DISP3: variants seen among roughly 807,000 people sequenced by gnomAD.
DISP3 encodes the protein dispatched RND transporter family member 3.
A neutral mutation model predicts 135.3 loss-of-function variants in DISP3; 101 were observed. The ratio of observed to expected loss-of-function variants is 0.75; its 90% CI spans 0.64 to 0.88. DISP3 has a LOEUF of 0.88. Among genes scored for constraint, DISP3 ranks in the 40% least tolerant of loss-of-function variants. The pLI is 0.00. For synonymous variants in DISP3, 856 were observed against 817.0 expected, an observed-to-expected ratio of 1.05 and a Z score of -0.81; for missense variants, 1,713 against 1,878.6, an observed-to-expected ratio of 0.91 and a Z score of 1.63.
intron 12 of DISP3, among the ~76,000 whole-genome samples, chr1:11,526,102 A>G (rs1340653294): frequency 6.6e-6 from 1 of 152,124 alleles, no homozygotes; most frequent in Non-Finnish European, 1.5e-5. Context: ...TTCAGGATTT[A>G]TATTTCCATT....
At chr1:11,490,535 CTGGGA>C (rs1343555240) in intron 1 of DISP3, among the ~76,000 whole-genome samples, 2 of 152,206 alleles carry the variant, frequency 1.3e-5, no homozygotes, top group Non-Finnish European at 2.9e-5. Context: ...TCCCAAAGTG[CTGGGA>C]TTACAGGCGT....
intron 7 of DISP3, among the ~76,000 whole-genome samples, chr1:11,518,281 A>T (rs767953976): frequency 2.2e-4 from 34 of 152,186 alleles, no homozygotes; most frequent in East Asian, 3.9e-4. Context: ...CCGCTCGCCC[A>T]TGGTGAGCCC....
Position 11,520,871 on chromosome 1 carries a change from C to T in DISP3, c.2362+23C>T. On this transcript the variant is annotated intron_variant, in intron 10 of 20. Coordinates refer to ENST00000294484, the MANE Select transcript of DISP3 (RefSeq NM_020780.2). This position sits in a 1 kb window ranked among gnomAD's most constrained non-coding sequence, Gnocchi z 4.8. ...CAGGTGAGGCTTCTAGCCAGGCTGT[C>T]CCTGGCCCGCTCAGGTGTCCGGGTC... 6.4e-7 allele frequency: 1 copy of T among 1,569,772 alleles called. No individual in the cohort carries two copies.
chr1:11,523,522 G>T (rs1642309820), intron 10 of DISP3, among the ~76,000 whole-genome samples: 1 of 145,594 alleles, frequency 6.9e-6, no homozygotes, highest in South Asian at 2.3e-4. Flanking sequence ...GGGCAGAGTG[G>T]CACAGAGAGG....
intron 11 of DISP3, 63 bp downstream of exon 11, chr1:11,524,118 G>T: frequency 8.0e-7 from 1 of 1,250,796 alleles, no homozygotes; most frequent in Non-Finnish European, 1.2e-6. Context: ...GGCCCTGTAA[G>T]GAGAGCAGAT....
rs572829253 is a variant in DISP3, at chr1:11,519,286, G to A, written c.1890-69G>A. 2 of 1,527,668 alleles carry A rather than the reference G, an allele frequency of 1.3e-6. No homozygotes were observed. Among genetic ancestry groups the A allele is most frequent in the Admixed American group, 1.7e-5 (1 of 57,202 alleles). The allele number at this position is 1,527,668 out of a possible 1,614,324, so 94.6% of individuals were successfully genotyped here. A position where few individuals can be genotyped will look rare whatever the true frequency, so the allele number is the denominator to read the frequency against. ...ATACCTGGGTTCATCTGATCCTCAG[G>A]GCCCTGCCCCACCCTCCCTGGGTAC... is the stretch of plus-strand genomic sequence containing the variant. On this transcript the variant is annotated intron_variant, in intron 7 of 20. Coordinates refer to ENST00000294484, the MANE Select transcript of DISP3 (RefSeq NM_020780.2). This position sits in a 1 kb window ranked among gnomAD's most constrained non-coding sequence, Gnocchi z 4.3.
intron 1 of DISP3, among the ~76,000 whole-genome samples, chr1:11,497,639 C>T (rs912065537): frequency 1.3e-5 from 2 of 152,222 alleles, no homozygotes; most frequent in African/African-American, 2.4e-5. Flanking sequence ...CCGCCCACCT[C>T]GGCCTCCCAG....
rs768125633 is a variant in DISP3 at position 11,536,282 on chromosome 1, C to T, written c.3817-42C>T. 7.0e-6 allele frequency: 11 copies of T among 1,568,968 alleles called. No individual in the cohort carries two copies. Among genetic ancestry groups the T allele is most frequent in the Non-Finnish European group, 9.4e-6 (11 of 1,164,390 alleles). ...TTCCCCAGGTGCTGGCCAGAGGGGT[C>T]CCGCAGGCAGGCTGGGCTCCCAGCT... On this transcript the variant is annotated intron_variant, in intron 20 of 20. Transcript: ENST00000294484. The surrounding 1 kb of genome is among the most constrained non-coding windows in gnomAD (Gnocchi z 4.3).
chr1:11,496,299 T>A (rs1275049864), intron 1 of DISP3, among the ~76,000 whole-genome samples: 1 of 152,174 alleles, frequency 6.6e-6, no homozygotes, highest in Admixed American at 6.5e-5. Flanking sequence ...GCATCCACCT[T>A]GATTCATGGG....
chr1:11,501,989 T>G lies in DISP3; in HGVS notation c.997T>G (p.Cys333Gly). 1.2e-6 allele frequency: 2 copies of G among 1,613,708 alleles called. No homozygotes were observed. Among genetic ancestry groups the G allele is most frequent in the South Asian group, 1.1e-5 (1 of 91,042 alleles). Residue 333 changes from cysteine to glycine, a missense_variant, in exon 2 of 21, where the codon TGC becomes GGC. Physicochemically the swap from Cys to Gly is radical, Grantham distance 159. This residue lies in a region of DISP3 where 571 missense variants were observed against 494.1 expected (regional missense o/e 1.16). Transcript: ENST00000294484. This position sits in a 1 kb window ranked among gnomAD's most constrained non-coding sequence, Gnocchi z 4.9. ...KDLPLGSYSY[C>G]SPPSSLMTYF... ...TCTGCCGCTGGGCTCCTACTCCTAC[T>G]GCTCGCCCCCCAGCTCGCTCATGAC... is the stretch of plus-strand genomic sequence containing the variant.
In DISP3 at chr1:11,529,674, C is replaced by T. The variant is rs1423873289; in HGVS notation, c.2917C>T (p.Pro973Ser). ...GCCTACCAAAGGCTTCTTCTTCGTG[C>T]CTAGTGAGAAAGGTACGGCAAGGGC... ...DGPTKGFFFV[P>S]SEKVPKARLS... is the part of the protein sequence containing the mutation. The change falls in exon 14 of 21, where the codon CCT (proline) becomes TCT (serine). Residue 973 changes from proline (P) to serine (S), a missense_variant. By Grantham distance (74) the Pro-to-Ser change is moderately conservative (BLOSUM62 -1). Around this residue, in one of 2 missense-constraint regions of DISP3, gnomAD observed 1,142 missense variants for 1,384.6 expected, o/e 0.82. Coordinates refer to ENST00000294484, the MANE Select transcript of DISP3 (RefSeq NM_020780.2). This position sits in a 1 kb window ranked among gnomAD's most constrained non-coding sequence, Gnocchi z 4.7. The T allele has an allele frequency of 6.2e-7, 1 of 1,606,404 alleles. No homozygotes were observed.
intron 12 of DISP3, among the ~76,000 whole-genome samples, chr1:11,525,850 C>T (rs532589102): frequency 6.6e-6 from 1 of 152,254 alleles, no homozygotes; most frequent in South Asian, 2.1e-4. Context: ...TGCTCTGTCA[C>T]CCAGGCTGGA....
chr1:11,520,541 C>A lies in DISP3; in HGVS notation c.2201-146C>A. On this transcript the variant is annotated intron_variant, in intron 9 of 20. Coordinates refer to ENST00000294484, the MANE Select transcript of DISP3 (RefSeq NM_020780.2). This position sits in a 1 kb window ranked among gnomAD's most constrained non-coding sequence, Gnocchi z 4.8. ...GACCATCCCCAGCAAGCTTTGCCCACGGGCTGGCATGCAGGGCCTTCCCCC... is the reference window on the plus strand; with the variant it reads ...GACCATCCCCAGCAAGCTTTGCCCAAGGGCTGGCATGCAGGGCCTTCCCCC... 8 of 827,474 alleles carry A rather than the reference C, an allele frequency of 9.7e-6. No homozygotes were observed. In the South Asian group the frequency reaches 1.3e-4, roughly 14 times the overall value. The allele number at this position is 827,474 out of a possible 1,614,324, so 51.3% of individuals were successfully genotyped here. A position where few individuals can be genotyped will look rare whatever the true frequency, so the allele number is the denominator to read the frequency against.
chr1:11,535,748 G>C, intron 20 of DISP3, 104 bp downstream of exon 20: 1 of 1,394,592 alleles, frequency 7.2e-7, no homozygotes. Context: ...CCAGCACCAG[G>C]ACCCCCATGC....
At chr1:11,523,166 G>A (rs1642296835) in intron 10 of DISP3, among the ~76,000 whole-genome samples, 1 of 152,236 alleles carries the variant, frequency 6.6e-6, no homozygotes, top group African/African-American at 2.4e-5. Flanking sequence ...TCCATCAAGT[G>A]GGGTTCATGG....
chr1:11,480,711 A>ACACACT (rs1164927906), intron 1 of DISP3, among the ~76,000 whole-genome samples: 2 of 130,972 alleles, frequency 1.5e-5, no homozygotes, highest in Non-Finnish European at 3.2e-5. Context: ...ACACACACAC[A>ACACACT]CACTGTCCTG....
intron 1 of DISP3, among the ~76,000 whole-genome samples, chr1:11,489,658 C>T (rs546432012): frequency 4.6e-5 from 7 of 152,298 alleles, no homozygotes; most frequent in Non-Finnish European, 7.3e-5. Flanking sequence ...CATCTCTTCC[C>T]GCTCCCCATC....
chr1:11,530,056 C>T (rs1642536987), intron 15 of DISP3, 97 bp downstream of exon 15: 1 of 1,488,214 alleles, frequency 6.7e-7, no homozygotes, highest in Non-Finnish European at 9.0e-7. Flanking sequence ...TCCTCACACC[C>T]CCTCTTGGCT....
At chr1:11,484,073 GA>G (rs1314461576) in intron 1 of DISP3, among the ~76,000 whole-genome samples, 2 of 152,246 alleles carry the variant, frequency 1.3e-5, no homozygotes, top group Admixed American at 1.3e-4. Context: ...TCCAAGTGCA[GA>G]GGTGAAATGC....
Sources: gnomAD v4.1 joint callset for allele counts (sites outside exome capture counted in the v4.1 genomes callset) on GRCh38, gnomAD v4.1.1 for gene constraint, gnomAD v4.1.1 regional missense constraint, Gnocchi (gnomAD v3.1) non-coding constraint, MANE v1.5 for transcripts, NCBI Gene and HGNC (gene_info 2026-07-23, HGNC 2026-07-21) for gene names.